The following TNFSF4 variants were observed in gnomAD, a reference collection of about 807,000 sequenced individuals.
TNFSF4 encodes the protein TNF superfamily member 4, also known as tumor necrosis factor ligand superfamily member 4.
In TNFSF4, 4 loss-of-function variants were observed where a neutral mutation model predicts 7.3. That is an observed-to-expected ratio of 0.55 (90% CI 0.27 to 1.25). The LOEUF (loss-of-function observed/expected upper bound fraction) is 1.25, where lower values mean the gene tolerates loss of function less well. Ranked by LOEUF, TNFSF4 falls within the 50% of genes most tolerant of loss-of-function variation. The pLI is 0.12. For synonymous variants in TNFSF4, 76 were observed against 83.7 expected, an observed-to-expected ratio of 0.91 and a Z score of 0.50; for missense variants, 181 against 208.8, an observed-to-expected ratio of 0.87 and a Z score of 0.82.
At chr1:173,186,924 A>G in intron 2 of TNFSF4, 59 bp from the exon 3 acceptor site, 1 of 1,094,474 alleles carries the variant, frequency 9.1e-7, no homozygotes, top group Non-Finnish European at 1.3e-6. Context: ...TTGGGCAACA[A>G]CCTTCCAATA....
At chr1:173,363,158 A>C in the TNFSF4 span, 1 of 300,386 alleles carries the variant, frequency 3.3e-6, no homozygotes. Flanking sequence ...CACTGTGGAA[A>C]GTTATACTCC....
At chr1:173,421,944 A>C in the TNFSF4 span, among the ~76,000 whole-genome samples, 1 of 152,192 alleles carries the variant, frequency 6.6e-6, no homozygotes, top group Non-Finnish European at 1.5e-5. Context: ...ATCTTCCAGT[A>C]TTTGAGTGAT....
the TNFSF4 span, among the ~76,000 whole-genome samples, chr1:173,328,296 T>C: frequency 7.1e-6 from 1 of 140,976 alleles, no homozygotes; most frequent in Non-Finnish European, 1.5e-5. Context: ...TAGGTGGGAA[T>C]TGAACAATAA....
the TNFSF4 span, among the ~76,000 whole-genome samples, chr1:173,298,084 A>G: frequency 6.6e-6 from 1 of 151,902 alleles, no homozygotes; most frequent in South Asian, 2.1e-4. Flanking sequence ...GAGGACTGTC[A>G]CGGGGAAAGA....
the TNFSF4 span, among the ~76,000 whole-genome samples, chr1:173,380,692 G>C: frequency 1.3e-5 from 2 of 152,078 alleles, no homozygotes; most frequent in African/African-American, 4.8e-5. Flanking sequence ...GTTCCTAGTA[G>C]ATACAGAACA....
At chr1:173,298,592 C>G in the TNFSF4 span, among the ~76,000 whole-genome samples, 1 of 151,892 alleles carries the variant, frequency 6.6e-6, no homozygotes, top group African/African-American at 2.4e-5. Context: ...GCACTACTCT[C>G]AAATTTCAGG....
At chr1:173,298,690 A>C in the TNFSF4 span, among the ~76,000 whole-genome samples, 3 of 151,934 alleles carry the variant, frequency 2.0e-5, no homozygotes, top group Non-Finnish European at 4.4e-5. Flanking sequence ...AGCAGTGTAC[A>C]AAAGGCCTTT....
the TNFSF4 span, among the ~76,000 whole-genome samples, chr1:173,219,957 G>A: frequency 2.0e-4 from 30 of 151,980 alleles, no homozygotes; most frequent in African/African-American, 3.9e-4. Flanking sequence ...TACACTGCTC[G>A]GGTGATGGGT....
the TNFSF4 span, among the ~76,000 whole-genome samples, chr1:173,243,975 G>A: frequency 6.6e-6 from 1 of 152,196 alleles, no homozygotes; most frequent in Non-Finnish European, 1.5e-5. Context: ...CAAGAACAGG[G>A]AGCAGCTTCT....
At chr1:173,410,151 G>A in the TNFSF4 span, among the ~76,000 whole-genome samples, 1 of 152,084 alleles carries the variant, frequency 6.6e-6, no homozygotes, top group African/African-American at 2.4e-5. Context: ...TGGAGGTTGA[G>A]GCTACAGTGA....
chr1:173,426,454 T>C, the TNFSF4 span, among the ~76,000 whole-genome samples: 3 of 152,204 alleles, frequency 2.0e-5, no homozygotes, highest in African/African-American at 7.2e-5. Flanking sequence ...AGCTTTAACA[T>C]TCTAATCCCC....
At chr1:173,343,563 G>T in the TNFSF4 span, among the ~76,000 whole-genome samples, 1 of 152,296 alleles carries the variant, frequency 6.6e-6, no homozygotes, top group African/African-American at 2.4e-5. Context: ...TAACTCAACT[G>T]ATTGTTCAAG....
chr1:173,324,222 G>T, the TNFSF4 span, among the ~76,000 whole-genome samples: 2 of 152,174 alleles, frequency 1.3e-5, no homozygotes, highest in African/African-American at 4.8e-5. Flanking sequence ...CATTCTTAAA[G>T]AAAAGAATTT....
At chr1:173,329,523 C>T in the TNFSF4 span, among the ~76,000 whole-genome samples, 7 of 151,892 alleles carry the variant, frequency 4.6e-5, no homozygotes, top group South Asian at 6.2e-4. Context: ...GAATGTACTG[C>T]GGCTATATAA....
chr1:173,263,669 C>T, the TNFSF4 span, among the ~76,000 whole-genome samples: 1 of 152,168 alleles, frequency 6.6e-6, no homozygotes, highest in Non-Finnish European at 1.5e-5. Flanking sequence ...CATGGAGAAA[C>T]ACTTCCTTTA....
chr1:173,366,899 A>T, the TNFSF4 span, among the ~76,000 whole-genome samples: 1 of 152,218 alleles, frequency 6.6e-6, no homozygotes, highest in East Asian at 1.9e-4. Flanking sequence ...CTGCCTAAAA[A>T]ATAAATTCCT....
the TNFSF4 span, among the ~76,000 whole-genome samples, chr1:173,262,213 G>A: frequency 6.6e-6 from 1 of 152,106 alleles, no homozygotes; most frequent in African/African-American, 2.4e-5. Context: ...CACATAAACA[G>A]AACCAATGAC....
the TNFSF4 span, among the ~76,000 whole-genome samples, chr1:173,228,444 A>G: frequency 6.6e-6 from 1 of 152,252 alleles, no homozygotes; most frequent in African/African-American, 2.4e-5. Context: ...CCATCATCAA[A>G]GACCAAAGGT....
the TNFSF4 span, among the ~76,000 whole-genome samples, chr1:173,299,150 C>G: frequency 6.6e-6 from 1 of 151,906 alleles, no homozygotes; most frequent in Non-Finnish European, 1.5e-5. Flanking sequence ...ATTCAACAGC[C>G]AGATTCAACA....
Sources: gnomAD v4.1 joint callset for allele counts (sites outside exome capture counted in the v4.1 genomes callset) on GRCh38, gnomAD v4.1.1 for gene constraint, MANE v1.5 for transcripts, NCBI Gene and HGNC (gene_info 2026-07-23, HGNC 2026-07-21) for gene names.